The following YPEL2 variants were observed in gnomAD, a reference collection of about 807,000 sequenced individuals.
YPEL2 encodes the protein yippee like 2.
In YPEL2, 2 loss-of-function variants were observed where a neutral mutation model predicts 19.1. That is an observed-to-expected ratio of 0.10 (90% confidence interval 0.04 to 0.33). The LOEUF is 0.33. Among genes scored for constraint, YPEL2 ranks in the 10% least tolerant of loss-of-function variants. The pLI, the probability that YPEL2 is intolerant of heterozygous loss-of-function variation, is 1.00. For missense variants in YPEL2, 66 were observed against 140.7 expected (o/e 0.47, Z 2.68); for synonymous variants, 52 against 50.0 (o/e 1.04, Z -0.17).
intron 2 of YPEL2, among the ~76,000 whole-genome samples, chr17:59,378,173 T>C (rs138088985): frequency 1.8e-4 from 27 of 152,214 alleles, no homozygotes; most frequent in African/African-American, 6.0e-4. Context: ...AGGATCTCTC[T>C]CTGTCCCATT....
At chr17:59,394,568 G>A (rs529755971) in intron 4 of YPEL2, among the ~76,000 whole-genome samples, 2 of 151,642 alleles carry the variant, frequency 1.3e-5, no homozygotes, top group South Asian at 4.2e-4. Flanking sequence ...TCCTAGATGG[G>A]ATGGTGGCTG....
chr17:59,334,395 G>A (rs990499514), intron 1 of YPEL2, among the ~76,000 whole-genome samples: 5 of 147,846 alleles, frequency 3.4e-5, no homozygotes, highest in Non-Finnish European at 7.6e-5. Flanking sequence ...TTATTTGGGG[G>A]GGGGTGAGGA....
At chr17:59,388,401 G>A in intron 3 of YPEL2, 31 bp downstream of exon 3, 1 of 1,610,512 alleles carries the variant, frequency 6.2e-7, no homozygotes, top group Non-Finnish European at 8.5e-7. Context: ...CATTCCTTGT[G>A]GGGTACAGAT....
At chr17:59,358,456 G>C (rs2047824164) in intron 2 of YPEL2, among the ~76,000 whole-genome samples, 1 of 152,094 alleles carries the variant, frequency 6.6e-6, no homozygotes. Context: ...GTACACCAGT[G>C]TAGTGTAGTG....
chr17:59,339,656 CTT>C (rs1007282739), intron 1 of YPEL2, among the ~76,000 whole-genome samples: 1 of 152,144 alleles, frequency 6.6e-6, no homozygotes, highest in Non-Finnish European at 1.5e-5. Context: ...TCCTCAGACT[CTT>C]CTCTGGCTGG....
rs2048060725 is a variant in YPEL2 at position 59,399,755 on chromosome 17, G to A, written c.*2565G>A. ...GCAGCATTGGAGAGGCCACAGCTGA[G>A]CTATGGAGATGCTAAATTAACTCAT... On this transcript the variant is annotated 3_prime_UTR_variant, in exon 5 of 5. Transcript: ENST00000312655. The A allele has an allele frequency of 6.6e-6, 1 of 152,646 alleles. No individual in the cohort carries two copies. Among genetic ancestry groups the A allele is most frequent in the African/African-American group, 2.4e-5 (1 of 41,446 alleles). 9.5% of individuals were successfully genotyped at this position (152,646 alleles called of 1,614,324 possible). A position where few individuals can be genotyped will look rare whatever the true frequency, so the allele number is the denominator to read the frequency against.
At chr17:59,339,745 T>C (rs1476331003) in intron 1 of YPEL2, among the ~76,000 whole-genome samples, 1 of 152,124 alleles carries the variant, frequency 6.6e-6, no homozygotes, top group Non-Finnish European at 1.5e-5. Context: ...TGTGTGATCT[T>C]GGGCAAATTG....
intron 2 of YPEL2, among the ~76,000 whole-genome samples, chr17:59,376,853 G>T (rs1359960628): frequency 6.7e-6 from 1 of 148,610 alleles, no homozygotes; most frequent in Non-Finnish European, 1.5e-5. Context: ...GGAGGCTGAG[G>T]CAGGAAAATC....
chr17:59,333,611 T>G (rs903604379), intron 1 of YPEL2, among the ~76,000 whole-genome samples: 1 of 151,268 alleles, frequency 6.6e-6, no homozygotes, highest in African/African-American at 2.4e-5. Flanking sequence ...GTTTTAAAGG[T>G]TTTTTTTTCT....
chr17:59,367,438 A>G (rs1290946789), intron 2 of YPEL2, among the ~76,000 whole-genome samples: 1 of 152,220 alleles, frequency 6.6e-6, no homozygotes, highest in Non-Finnish European at 1.5e-5. Context: ...ATAGTATTTT[A>G]CGCTTTGCTG....
intron 2 of YPEL2, among the ~76,000 whole-genome samples, chr17:59,375,096 G>T (rs1239464684): frequency 6.6e-6 from 1 of 152,188 alleles, no homozygotes; most frequent in Admixed American, 6.5e-5. Flanking sequence ...TTCCTCTGGA[G>T]GTAGTGAGTT....
At chr17:59,364,747 G>A (rs1157350534) in intron 2 of YPEL2, among the ~76,000 whole-genome samples, 1 of 151,442 alleles carries the variant, frequency 6.6e-6, no homozygotes, top group Non-Finnish European at 1.5e-5. Flanking sequence ...CTCCCAAGTA[G>A]CTGGATTACA....
chr17:59,386,773 G>C (rs559760401), intron 2 of YPEL2, among the ~76,000 whole-genome samples: 1 of 152,306 alleles, frequency 6.6e-6, no homozygotes, highest in Admixed American at 6.5e-5. Flanking sequence ...CTCAGTTGTA[G>C]CCTGGAAGCT....
In YPEL2 at chr17:59,387,257, T is replaced by TCAAAAA. The variant is rs1555571964; in HGVS notation, c.118-1070_118-1069insCAAAAA. ...CTGGATGACAGAGCAAGACTCCATCTAAAAAAAAAAAAAAAAAAAAAAAGA... is the reference window on the plus strand; with the variant it reads ...CTGGATGACAGAGCAAGACTCCATCTCAAAAAAAAAAAAAAAAAAAAAAAAAAAAGA... On this transcript the variant is annotated intron_variant, in intron 2 of 4. Coordinates refer to ENST00000312655, the MANE Select transcript of YPEL2 (RefSeq NM_001005404.4). Among the ~76,000 whole-genome samples, 10 of 77,550 alleles carry TCAAAAA rather than the reference T, an allele frequency of 1.3e-4. 1 individual carries two copies. Among genetic ancestry groups the TCAAAAA allele is most frequent in the African/African-American group, 2.9e-4 (6 of 20,468 alleles). 50.9% of individuals were successfully genotyped at this position (77,550 alleles called of 152,430 possible).
chr17:59,340,940 C>G (rs909440233), intron 1 of YPEL2, among the ~76,000 whole-genome samples: 1 of 148,892 alleles, frequency 6.7e-6, no homozygotes, highest in South Asian at 2.2e-4. Context: ...GTCTGGAACA[C>G]CTGACCTCAG....
chr17:59,368,253 T>C (rs969222104), intron 2 of YPEL2, among the ~76,000 whole-genome samples: 1 of 152,108 alleles, frequency 6.6e-6, no homozygotes, highest in Non-Finnish European at 1.5e-5. Flanking sequence ...CCGGCTAATT[T>C]TTCTATTTTT....
chr17:59,338,562 C>T (rs981273934), intron 1 of YPEL2, among the ~76,000 whole-genome samples: 4 of 152,132 alleles, frequency 2.6e-5, no homozygotes, highest in Admixed American at 6.5e-5. Flanking sequence ...CCATGGGGAA[C>T]AGTTGTGCAG....
chr17:59,337,526 C>T (rs1275666979), intron 1 of YPEL2, among the ~76,000 whole-genome samples: 1 of 152,046 alleles, frequency 6.6e-6, no homozygotes. Context: ...CTCTGAAAAG[C>T]TTTGCCTCTC....
At chr17:59,348,825 CAG>C (rs754070218) in intron 1 of YPEL2, among the ~76,000 whole-genome samples, 1 of 152,130 alleles carries the variant, frequency 6.6e-6, no homozygotes. Flanking sequence ...GCCCCATTAA[CAG>C]GGGCTAAAGT....
Sources: allele counts gnomAD v4.1 joint callset (sites outside exome capture counted in the v4.1 genomes callset), GRCh38; gene constraint gnomAD v4.1.1; transcripts MANE v1.5; gene names NCBI Gene and HGNC (gene_info 2026-07-23, HGNC 2026-07-21).